KIAA1217: variants seen among roughly 807,000 people sequenced by gnomAD.
KIAA1217 encodes KIAA1217, also known as sickle tail protein homolog.
Under a neutral mutation model 163.9 loss-of-function variants are expected in KIAA1217, and 88 were observed. The ratio of observed to expected loss-of-function variants is 0.54; its 90% CI spans 0.45 to 0.64. KIAA1217 has a LOEUF of 0.64. Among genes scored for constraint, KIAA1217 ranks in the 30% least tolerant of loss-of-function variants. The probability of loss-of-function intolerance (pLI) is 0.00; values close to 1 mark genes in which losing one functional copy is unlikely to be tolerated. For missense variants in KIAA1217, 2,372 were observed against 2,475.0 expected, an observed-to-expected ratio of 0.96 and a Z score of 0.88; for synonymous variants, 903 against 923.1, an observed-to-expected ratio of 0.98 and a Z score of 0.39.
At chr10:24,026,075 C>G (rs1018983751) in intron 2 of KIAA1217, among the ~76,000 whole-genome samples, 1 of 151,608 alleles carries the variant, frequency 6.6e-6, no homozygotes, top group South Asian at 2.1e-4. Flanking sequence ...AATGTAGTAC[C>G]TTTTTTCAAA....
chr10:24,200,213 ATT>A (rs758463596), intron 2 of KIAA1217, among the ~76,000 whole-genome samples: 65 of 133,640 alleles, frequency 4.9e-4, no homozygotes, highest in African/African-American at 1.7e-3. Flanking sequence ...TTATTTTTTA[ATT>A]TTTTTTTTTT....
intron 3 of KIAA1217, among the ~76,000 whole-genome samples, chr10:24,395,714 C>A (rs758631277): frequency 2.6e-5 from 4 of 152,064 alleles, no homozygotes; most frequent in Non-Finnish European, 4.4e-5. Flanking sequence ...GCTCTGTCAC[C>A]CAGGCTGGAG....
At chr10:24,328,492 G>A (rs534579947) in intron 2 of KIAA1217, among the ~76,000 whole-genome samples, 804 of 70,848 alleles carry the variant, frequency 0.011, 4 homozygotes, top group Admixed American at 0.026. Flanking sequence ...GGGGCGATCA[G>A]TTTTTATGTT....
intron 2 of KIAA1217, among the ~76,000 whole-genome samples, chr10:24,371,259 C>G (rs982691431): frequency 6.6e-6 from 1 of 152,130 alleles, no homozygotes; most frequent in Non-Finnish European, 1.5e-5. Flanking sequence ...ACCCCTGTCT[C>G]CTCTGCAAGG....
At chr10:24,011,317 C>G (rs1301877485) in intron 2 of KIAA1217, among the ~76,000 whole-genome samples, 1 of 151,952 alleles carries the variant, frequency 6.6e-6, no homozygotes, top group Non-Finnish European at 1.5e-5. Flanking sequence ...GAGACCCCAT[C>G]TTTACAAAAA....
At chr10:23,918,391 T>G (rs1842710342) in intron 1 of KIAA1217, among the ~76,000 whole-genome samples, 1 of 152,122 alleles carries the variant, frequency 6.6e-6, no homozygotes, top group Admixed American at 6.5e-5. Flanking sequence ...TTGAAACCAC[T>G]AGTCACAAGT....
At chr10:24,346,364 T>C (rs1464141175) in intron 2 of KIAA1217, among the ~76,000 whole-genome samples, 1 of 151,550 alleles carries the variant, frequency 6.6e-6, no homozygotes, top group Non-Finnish European at 1.5e-5. Context: ...CCCAGCTACT[T>C]GGGAGGCTGA....
chr10:24,491,510 G>T (rs983027606), intron 6 of KIAA1217, among the ~76,000 whole-genome samples: 1 of 151,866 alleles, frequency 6.6e-6, no homozygotes, highest in Non-Finnish European at 1.5e-5. Flanking sequence ...GGCTGGTCTC[G>T]AACTCTTGAC....
rs894108542 is a variant in KIAA1217, at chr10:24,244,690, G to A, written c.354+24781G>A. 1.1e-4 allele frequency among the ~76,000 whole-genome samples: 17 copies of A among 150,376 alleles called. No individual in the cohort carries two copies. In the South Asian group the frequency reaches 3.4e-3, roughly 30 times the overall value. The stretch of plus-strand genomic sequence containing the variant: ...AGTGATTCTCCTGCCTCAGCCTCCC[G>A]AGTAGCTGAGATTATAGGCATGTGC... On this transcript the variant is annotated intron_variant, in intron 2 of 20. Transcript: ENST00000376454.
intron 2 of KIAA1217, among the ~76,000 whole-genome samples, chr10:24,274,631 A>G (rs1269755626): frequency 6.6e-6 from 1 of 152,116 alleles, no homozygotes; most frequent in Non-Finnish European, 1.5e-5. Flanking sequence ...TGAGTCCTGA[A>G]TTTATTAGTT....
chr10:23,755,320 T>C (rs1178803310), intron 1 of KIAA1217, among the ~76,000 whole-genome samples: 1 of 152,170 alleles, frequency 6.6e-6, no homozygotes, highest in Non-Finnish European at 1.5e-5. Flanking sequence ...ACGACAGTTC[T>C]TCACCATAGA....
chr10:23,950,302 G>A (rs1380559044), intron 1 of KIAA1217, among the ~76,000 whole-genome samples: 2 of 152,094 alleles, frequency 1.3e-5, no homozygotes, highest in Non-Finnish European at 2.9e-5. Context: ...TGTATAAAAA[G>A]CAGCTTACAA....
At chr10:24,319,406 G>T (rs1249461198) in intron 2 of KIAA1217, among the ~76,000 whole-genome samples, 2 of 120,088 alleles carry the variant, frequency 1.7e-5, no homozygotes, top group Non-Finnish European at 3.5e-5. Flanking sequence ...AAAAAAAAAA[G>T]GCAGGGGATG....
chr10:23,841,752 G>A (rs1449378602), intron 1 of KIAA1217, among the ~76,000 whole-genome samples: 2 of 151,926 alleles, frequency 1.3e-5, no homozygotes, highest in Non-Finnish European at 2.9e-5. Context: ...ATAATGTTGA[G>A]GTGTCTCTCA....
chr10:24,109,483 A>G (rs562100630), intron 2 of KIAA1217, among the ~76,000 whole-genome samples: 47 of 152,146 alleles, frequency 3.1e-4, no homozygotes, highest in Non-Finnish European at 4.7e-4. Context: ...TCTTCTGTCA[A>G]TAATTCTCTA....
At chr10:24,093,006 T>A (rs923647487) in intron 2 of KIAA1217, among the ~76,000 whole-genome samples, 2 of 150,698 alleles carry the variant, frequency 1.3e-5, no homozygotes, top group South Asian at 4.2e-4. Flanking sequence ...AACTGAGACT[T>A]TTTTTTAGAC....
chr10:23,901,762 T>C (rs1428611426), intron 1 of KIAA1217, among the ~76,000 whole-genome samples: 1 of 151,306 alleles, frequency 6.6e-6, no homozygotes, highest in African/African-American at 2.4e-5. Context: ...CAAAAGAAAA[T>C]TAGTGTGGTG....
intron 1 of KIAA1217, among the ~76,000 whole-genome samples, chr10:23,784,274 A>G (rs1486039718): frequency 2.6e-5 from 4 of 152,110 alleles, no homozygotes; most frequent in Non-Finnish European, 4.4e-5. Context: ...TTTGCATGGA[A>G]TATTTTTTGT....
At chr10:23,978,364 T>C (rs1044478279) in intron 1 of KIAA1217, among the ~76,000 whole-genome samples, 1 of 152,202 alleles carries the variant, frequency 6.6e-6, no homozygotes, top group Non-Finnish European at 1.5e-5. Context: ...TTTTTCTTTC[T>C]TCTGGTCAGA....
Sources: gnomAD v4.1 joint callset for allele counts (sites outside exome capture counted in the v4.1 genomes callset) on GRCh38, gnomAD v4.1.1 for gene constraint, MANE v1.5 for transcripts, NCBI Gene and HGNC (gene_info 2026-07-23, HGNC 2026-07-21) for gene names.